Variants in TRH observed in about 807,000 individuals in gnomAD.
TRH encodes the protein thyrotropin releasing hormone.
TRH carries 5 observed loss-of-function variants against 5.2 expected under a neutral mutation model. That is an observed-to-expected ratio of 0.95 (90% confidence interval 0.50 to 2.00). The LOEUF (loss-of-function observed/expected upper bound fraction) is 2.00. TRH is among the 30% of genes most tolerant of loss of function. TRH has a pLI of 0.01. For missense variants in TRH, 318 were observed against 312.8 expected (o/e 1.02, Z -0.13); for synonymous variants, 131 against 128.6 (o/e 1.02, Z -0.13).
Position 129,976,925 on chromosome 3 carries a change from T to C in TRH, c.438T>C (p.Tyr146=). The change falls in exon 3 of 3, where the codon TAT becomes TAC. Residue 146 remains tyrosine (Y), a synonymous_variant. Coordinates refer to ENST00000302649, the MANE Select transcript of TRH (RefSeq NM_007117.5). ...GCCGGCGCTCCCCCTGGCTTGCATA[T>C]GCTGTCCCGAAGCGGCAGCACCCAG... ...HPGRRSPWLA[Y]AVPKRQHPGR... is the part of the protein sequence containing the mutation. 6.2e-7 allele frequency: 1 copy of C among 1,613,088 alleles called. No individual in the cohort carries two copies. The highest frequency in any genetic ancestry group is 8.5e-7 in the Non-Finnish European group (1 of 1,179,774).
At chr3:129,975,774 C>A (rs760711756) in intron 1 of TRH, 35 bp from the exon 2 acceptor site, 5 of 1,544,884 alleles carry the variant, frequency 3.2e-6, no homozygotes, top group African/African-American at 2.7e-5. Flanking sequence ...TGCTGTGATT[C>A]GGTGCGCTCA....
rs2062546006 is a variant in TRH at position 129,976,741 on chromosome 3, A to G, written c.254A>G (p.His85Arg). The part of the protein sequence containing the change: ...FQSDWLSKRQ[H>R]PGKREEEEEE... ...TCTGACTGGCTCTCCAAACGTCAGC[A>G]TCCAGGCAAAAGAGAGGAGGAGGAG... Residue 85 changes from histidine (H) to arginine (R), a missense_variant, in exon 3 of 3, where the codon CAT (histidine) becomes CGT (arginine). Coordinates refer to ENST00000302649, the MANE Select transcript of TRH (RefSeq NM_007117.5). The G allele has an allele frequency of 6.2e-7, 1 of 1,613,978 alleles. No individual in the cohort carries two copies. Among genetic ancestry groups the G allele is most frequent in the African/African-American group, 1.3e-5 (1 of 74,974 alleles).
rs2062542392 is a variant in TRH at position 129,976,118 on chromosome 3, G to C, written c.211+91G>C. ...GCAAAGGGGAGGGGAGGCTTGGTCA[G>C]CTAGCCTTCTGCCTTTCGGAAGCTC... On this transcript the variant is annotated intron_variant, in intron 2 of 2. Coordinates refer to ENST00000302649, the MANE Select transcript of TRH (RefSeq NM_007117.5). 9.0e-6 allele frequency: 13 copies of C among 1,449,342 alleles called. No individual in the cohort carries two copies. In the South Asian group the frequency reaches 1.7e-4, roughly 19 times the overall value. The allele number at this position is 1,449,342 out of a possible 1,614,324, so 89.8% of individuals were successfully genotyped here.
At position 129,977,015 on chromosome 3, in the gene TRH, A is replaced by G; in HGVS notation, c.528A>G (p.Arg176=). The stretch of plus-strand genomic sequence containing the variant: ...AAGAAGAGGAGGAGGAGGAAGAGAG[A>G]GAGGAAGACCTGATGCCTGAAAAAC... ...SWEEEEEEEE[R]EEDLMPEKRQ... Residue 176 remains arginine, a synonymous_variant, in exon 3 of 3, where the codon AGA becomes AGG. Transcript: ENST00000302649. The G allele has an allele frequency of 1.9e-6, 3 of 1,613,480 alleles. No individual in the cohort carries two copies. Among genetic ancestry groups the G allele is most frequent in the Non-Finnish European group, 2.5e-6 (3 of 1,179,750 alleles).
At chr3:129,975,480 C>T (rs1305081848) in intron 1 of TRH, among the ~76,000 whole-genome samples, 1 of 152,124 alleles carries the variant, frequency 6.6e-6, no homozygotes, top group Admixed American at 6.5e-5. Context: ...GCGAGGCAGT[C>T]CCAGCGTTGG....
chr3:129,977,177 T>G lies in TRH; in HGVS notation c.690T>G (p.Gly230=). Residue 230 remains glycine (G), a synonymous_variant, in exon 3 of 3, where the codon GGT becomes GGG. Transcript: ENST00000302649. ...QGAEEKRQHP[G]RRAAWVREPL... is the part of the protein sequence containing the mutation. Reference sequence around the variant, plus strand: ...CTGAGGAAAAGCGGCAGCACCCTGGTCGGCGGGCAGCCTGGGTCAGAGAGC... The same window carrying G: ...CTGAGGAAAAGCGGCAGCACCCTGGGCGGCGGGCAGCCTGGGTCAGAGAGC... 1 of 1,519,146 alleles carries G rather than the reference T, an allele frequency of 6.6e-7. No homozygotes were observed. Among genetic ancestry groups the G allele is most frequent in the Non-Finnish European group, 8.8e-7 (1 of 1,136,068 alleles). The allele number at this position is 1,519,146 out of a possible 1,614,324, so 94.1% of individuals were successfully genotyped here.
chr3:129,976,962 G>C lies in TRH; in HGVS notation c.475G>C (p.Ala159Pro). ...GCGGCAGCACCCAGGCAGAAGGCTG[G>C]CAGATCCCAAGGCTCAAAGGAGCTG... ...PKRQHPGRRL[A>P]DPKAQRSWEE... The change falls in exon 3 of 3, where the codon GCA becomes CCA. Residue 159 changes from alanine to proline, a missense_variant. Physicochemically the swap from Ala to Pro is conservative, Grantham distance 27. Transcript: ENST00000302649. 6.2e-7 allele frequency: 1 copy of C among 1,613,762 alleles called. No individual in the cohort carries two copies. Among genetic ancestry groups the C allele is most frequent in the East Asian group, 2.2e-5 (1 of 44,802 alleles).
At chr3:129,975,259 A>T (rs1420728243) in intron 1 of TRH, among the ~76,000 whole-genome samples, 2 of 152,240 alleles carry the variant, frequency 1.3e-5, no homozygotes, top group African/African-American at 4.8e-5. Flanking sequence ...TTAGCATTAG[A>T]AATAGAATCT....
chr3:129,975,761 A>ATG (rs1256759994), intron 1 of TRH, 48 bp from the exon 2 acceptor site: 1 of 1,512,774 alleles, frequency 6.6e-7, no homozygotes, highest in Non-Finnish European at 8.9e-7. Flanking sequence ...ATGGAGCGGG[A>ATG]TGTGCTGTGA....
At chr3:129,975,700 G>A in intron 1 of TRH, 109 bp from the exon 2 acceptor site, 2 of 1,198,710 alleles carry the variant, frequency 1.7e-6, no homozygotes, top group South Asian at 1.6e-5. Context: ...TCCTGCTTCT[G>A]GGAGGGCGGT....
chr3:129,977,099 T>C lies in TRH; in HGVS notation c.612T>C (p.Gly204=). 1 of 1,576,074 alleles carries C rather than the reference T, an allele frequency of 6.3e-7. No individual in the cohort carries two copies. The highest frequency in any genetic ancestry group is 1.2e-5 in the South Asian group (1 of 86,404). The part of the protein sequence containing the change: ...GGPCGPQGAY[G]QAGLLLGLLD... ...CCTGTGGGCCCCAGGGAGCCTATGG[T>C]CAAGCGGGCCTTCTGCTGGGGCTCC... The change falls in exon 3 of 3, where the codon GGT becomes GGC. Residue 204 remains glycine (G), a synonymous_variant. Transcript: ENST00000302649.
In TRH at chr3:129,975,879, CG is replaced by C. The variant is rs755475662; in HGVS notation, c.65del (p.Gly22AlafsTer13). ...LTLNLTGVPG[G>X]RAQPEAAQQE... ...CCCTGAACCTGACCGGTGTCCCCGG[CG>C]GCCGTGCTCAGCCAGAGGCGGCCCA... On this transcript the variant is annotated frameshift_variant, in exon 2 of 3. Transcript: ENST00000302649. LOFTEE classifies it high-confidence loss of function. The C allele has an allele frequency of 8.1e-6, 13 of 1,612,800 alleles. No individual in the cohort carries two copies. Among genetic ancestry groups the C allele is most frequent in the Non-Finnish European group, 1.0e-5 (12 of 1,179,848 alleles).
intron 1 of TRH, among the ~76,000 whole-genome samples, chr3:129,975,547 T>G (rs540900700): frequency 1.3e-5 from 2 of 152,264 alleles, no homozygotes; most frequent in South Asian, 4.1e-4. Context: ...ATGGGGTTCC[T>G]ACGGCCTCCT....
chr3:129,976,005 AG>A lies in TRH; in HGVS notation c.193del (p.Asp65ThrfsTer65), dbSNP rs1229584465. The A allele has an allele frequency of 6.2e-7, 1 of 1,614,034 alleles. No homozygotes were observed. The highest frequency in any genetic ancestry group is 1.1e-5 in the South Asian group (1 of 91,074). ...FLRENIQRLQGDQGEHSASQI... is the reference protein window; with the variant it reads ...FLRENIQRLQXDQGEHSASQI... Reference sequence around the variant, plus strand: ...TCCGGGAAAACATCCAGCGGCTGCAAGGGGACCAGGGTGAGCACTCCGGTGA... The same window carrying A: ...TCCGGGAAAACATCCAGCGGCTGCAAGGGACCAGGGTGAGCACTCCGGTGA... On this transcript the variant is annotated frameshift_variant, in exon 2 of 3. Coordinates refer to ENST00000302649, the MANE Select transcript of TRH (RefSeq NM_007117.5). LOFTEE classifies it low-confidence loss of function (END_TRUNC).
In TRH at chr3:129,977,057, G is replaced by A; in HGVS notation, c.570G>A (p.Lys190=). ...CTGAAAAACGCCAGCATCCGGGCAA[G>A]AGGGCCCTGGGAGGCCCCTGTGGGC... The part of the protein sequence containing the change: ...LMPEKRQHPG[K]RALGGPCGPQ... Residue 190 remains lysine, a synonymous_variant, in exon 3 of 3, where the codon AAG becomes AAA. Coordinates refer to ENST00000302649, the MANE Select transcript of TRH (RefSeq NM_007117.5). 6.2e-7 allele frequency: 1 copy of A among 1,610,738 alleles called. No homozygotes were observed. The highest frequency in any genetic ancestry group is 8.5e-7 in the Non-Finnish European group (1 of 1,177,708).
At chr3:129,975,000 G>C (rs917098003) in intron 1 of TRH, among the ~76,000 whole-genome samples, 177 bp downstream of exon 1, 1 of 152,126 alleles carries the variant, frequency 6.6e-6, no homozygotes, top group Non-Finnish European at 1.5e-5. Flanking sequence ...CCGGGGACCC[G>C]ACGGGAGGCA....
At chr3:129,975,768 G>T (rs1410282464) in intron 1 of TRH, 41 bp from the exon 2 acceptor site, 4 of 1,534,908 alleles carry the variant, frequency 2.6e-6, no homozygotes, top group Non-Finnish European at 3.5e-6. Context: ...GGGATGTGCT[G>T]TGATTCGGTG....
In TRH at chr3:129,976,695, C is replaced by T. The variant is rs784704; in HGVS notation, c.212-4C>T. On this transcript the variant is annotated splice_region_variant and splice_polypyrimidine_tract_variant and intron_variant, in intron 2 of 2. Coordinates refer to ENST00000302649, the MANE Select transcript of TRH (RefSeq NM_007117.5). ...GCCCCTCACTGACCTCTTTCCTTCCCCAGCGTCCCAGATCTTTCAATCTGA... is the reference window on the plus strand; with the variant it reads ...GCCCCTCACTGACCTCTTTCCTTCCTCAGCGTCCCAGATCTTTCAATCTGA... The T allele has an allele frequency of 0.99, 1,596,209 of 1,608,728 alleles. 792,576 individuals are homozygous for T. Among genetic ancestry groups the T allele is most frequent in the South Asian group, 1 (90,668 of 90,704 alleles).
At position 129,977,181 on chromosome 3, in the gene TRH, CGGGCAGCCTGGGTCAGAGAGCCCCT is replaced by C. The variant is rs1163482920; in HGVS notation, c.697_721del (p.Ala233ArgfsTer8). Reference sequence around the variant, plus strand: ...GGAAAAGCGGCAGCACCCTGGTCGGCGGGCAGCCTGGGTCAGAGAGCCCCTGGAGGAGTGAACCCAGTTTTCCCTG... The same window carrying C: ...GGAAAAGCGGCAGCACCCTGGTCGGCGGAGGAGTGAACCCAGTTTTCCCTG... On this transcript the variant is annotated frameshift_variant, in exon 3 of 3. Transcript: ENST00000302649. LOFTEE classifies it high-confidence loss of function. The C allele has an allele frequency of 5.3e-6, 8 of 1,518,828 alleles. No individual in the cohort carries two copies. Among genetic ancestry groups the C allele is most frequent in the Non-Finnish European group, 7.0e-6 (8 of 1,135,990 alleles). 94.1% of individuals were successfully genotyped at this position (1,518,828 alleles called of 1,614,324 possible). A position where few individuals can be genotyped will look rare whatever the true frequency, so the allele number is the denominator to read the frequency against.
Sources: gnomAD v4.1 joint callset for allele counts (sites outside exome capture counted in the v4.1 genomes callset) on GRCh38, gnomAD v4.1.1 for gene constraint, MANE v1.5 for transcripts, NCBI Gene and HGNC (gene_info 2026-07-23, HGNC 2026-07-21) for gene names.